Variants in DCLK1 observed in about 807,000 individuals in gnomAD.
DCLK1 encodes doublecortin like kinase 1.
In DCLK1, 16 loss-of-function variants were observed where a neutral mutation model predicts 86.2. The ratio of observed to expected loss-of-function variants is 0.19; its 90% confidence interval spans 0.13 to 0.28. The LOEUF is 0.28. DCLK1 is among the 10% of genes least tolerant of loss of function. The probability of loss-of-function intolerance (pLI) is 1.00; values close to 1 mark genes in which losing one functional copy is unlikely to be tolerated. For synonymous variants in DCLK1, 369 were observed against 370.5 expected, an observed-to-expected ratio of 1.00 and a Z score of 0.05; for missense variants, 590 against 940.2, an observed-to-expected ratio of 0.63 and a Z score of 4.87.
chr13:35,975,902 T>G (rs1879305402), intron 3 of DCLK1, among the ~76,000 whole-genome samples: 4 of 152,284 alleles, frequency 2.6e-5, no homozygotes, highest in African/African-American at 9.6e-5. Context: ...ACTTCCACAA[T>G]GCACTACCAG....
intron 4 of DCLK1, among the ~76,000 whole-genome samples, chr13:35,880,089 G>A (rs1384117054): frequency 6.6e-6 from 1 of 152,150 alleles, no homozygotes; most frequent in African/African-American, 2.4e-5. Context: ...TCTAAACAAT[G>A]CATTCGTATA....
At chr13:35,791,748 A>G (rs1245865467) in intron 16 of DCLK1, among the ~76,000 whole-genome samples, 1 of 151,166 alleles carries the variant, frequency 6.6e-6, no homozygotes, top group South Asian at 2.1e-4. Flanking sequence ...AAAGACCAGG[A>G]AAAAAAAAGA....
Position 36,072,863 on chromosome 13 carries a change from A to G in DCLK1, c.723+39006T>C, listed in dbSNP as rs73525254. Among the ~76,000 whole-genome samples the G allele has an allele frequency of 8.3e-3, 1,270 of 152,358 alleles. 15 individuals carry two copies. Among genetic ancestry groups the G allele is most frequent in the African/African-American group, 0.029 (1,196 of 41,582 alleles). On this transcript the variant is annotated intron_variant, in intron 3 of 16. Coordinates refer to ENST00000360631, the MANE Select transcript of DCLK1 (RefSeq NM_001330071.2). ...GGAAGTTTCTATAGAACTGGAAATTATGTAATATAAGGTAATCACAAAGAA... is the reference window on the plus strand; with the variant it reads ...GGAAGTTTCTATAGAACTGGAAATTGTGTAATATAAGGTAATCACAAAGAA...
chr13:36,063,237 G>C (rs962940527), intron 3 of DCLK1, among the ~76,000 whole-genome samples: 6 of 152,134 alleles, frequency 3.9e-5, no homozygotes, highest in Non-Finnish European at 7.3e-5. Flanking sequence ...TTGCCTTTTA[G>C]ATATGTTGGA....
intron 3 of DCLK1, among the ~76,000 whole-genome samples, chr13:36,084,665 C>T (rs1042135359): frequency 6.6e-6 from 1 of 152,154 alleles, no homozygotes; most frequent in African/African-American, 2.4e-5. Context: ...ATTATCTATA[C>T]TCCCACTAAA....
intron 3 of DCLK1, among the ~76,000 whole-genome samples, chr13:35,976,609 C>A (rs1176409083): frequency 7.1e-6 from 1 of 140,770 alleles, no homozygotes; most frequent in Non-Finnish European, 1.5e-5. Context: ...CGGCTCACTG[C>A]AAGCTCCGCC....
chr13:35,927,732 C>T (rs1481503724), intron 4 of DCLK1, among the ~76,000 whole-genome samples: 3 of 152,154 alleles, frequency 2.0e-5, no homozygotes, highest in Non-Finnish European at 4.4e-5. Flanking sequence ...AGGATGGGGG[C>T]CAATCACACC....
chr13:36,112,496 C>T (rs1349278287), intron 2 of DCLK1, among the ~76,000 whole-genome samples: 1 of 152,110 alleles, frequency 6.6e-6, no homozygotes, highest in Non-Finnish European at 1.5e-5. Context: ...CTTGAAAAGA[C>T]CTTAGAGAAG....
intron 3 of DCLK1, among the ~76,000 whole-genome samples, chr13:36,053,854 C>T (rs1024192123): frequency 1.3e-5 from 2 of 151,736 alleles, no homozygotes; most frequent in African/African-American, 4.8e-5. Flanking sequence ...CTGGTGTTAC[C>T]CAGGAGACTC....
At chr13:36,095,811 G>T (rs1369525814) in intron 3 of DCLK1, among the ~76,000 whole-genome samples, 1 of 152,116 alleles carries the variant, frequency 6.6e-6, no homozygotes, top group African/African-American at 2.4e-5. Context: ...AAGAGCCATT[G>T]TTGTAGATAA....
At chr13:36,087,783 C>T (rs1403950129) in intron 3 of DCLK1, among the ~76,000 whole-genome samples, 1 of 152,084 alleles carries the variant, frequency 6.6e-6, no homozygotes, top group Non-Finnish European at 1.5e-5. Context: ...ATACTAGAAA[C>T]ACCTATCCTG....
intron 4 of DCLK1, among the ~76,000 whole-genome samples, chr13:35,940,797 A>C (rs2153131675): frequency 6.6e-6 from 1 of 152,332 alleles, no homozygotes; most frequent in Non-Finnish European, 1.5e-5. Context: ...GGAAGAAAGC[A>C]GTAGTAATCG....
chr13:36,037,674 G>A (rs1882556319), intron 3 of DCLK1, among the ~76,000 whole-genome samples: 2 of 151,960 alleles, frequency 1.3e-5, no homozygotes, highest in Admixed American at 6.6e-5. Context: ...AGTAGAGACG[G>A]AGTTTCACCA....
chr13:35,997,928 C>G (rs182794300), intron 3 of DCLK1, among the ~76,000 whole-genome samples: 1 of 152,228 alleles, frequency 6.6e-6, no homozygotes, highest in East Asian at 1.9e-4. Context: ...AAAGCACAAC[C>G]AGTCTACTTT....
chr13:35,886,083 C>T (rs1873218584), intron 4 of DCLK1, among the ~76,000 whole-genome samples: 1 of 148,646 alleles, frequency 6.7e-6, no homozygotes, highest in Admixed American at 6.8e-5. Context: ...GCAATCTCGG[C>T]TCACTGCAAC....
intron 11 of DCLK1, among the ~76,000 whole-genome samples, chr13:35,817,227 T>C (rs531167034): frequency 6.6e-6 from 1 of 152,272 alleles, no homozygotes; most frequent in Admixed American, 6.5e-5. Flanking sequence ...CCTGTCCTCA[T>C]CTCCCTGATG....
chr13:35,816,558 C>T (rs2087270995), intron 11 of DCLK1, among the ~76,000 whole-genome samples: 1 of 152,158 alleles, frequency 6.6e-6, no homozygotes, highest in South Asian at 2.1e-4. Flanking sequence ...CCCATTTGAT[C>T]TTCATACCAG....
intron 3 of DCLK1, among the ~76,000 whole-genome samples, chr13:35,994,239 T>C (rs1248994414): frequency 1.3e-5 from 2 of 152,174 alleles, no homozygotes; most frequent in South Asian, 2.1e-4. Context: ...TCTAGAACTT[T>C]CCCTGTAGCA....
chr13:35,992,902 T>C (rs1880300183), intron 3 of DCLK1, among the ~76,000 whole-genome samples: 1 of 152,150 alleles, frequency 6.6e-6, no homozygotes, highest in African/African-American at 2.4e-5. Flanking sequence ...GATATACTAC[T>C]CCCCCATCAG....
Sources: gnomAD v4.1 joint callset for allele counts (sites outside exome capture counted in the v4.1 genomes callset) on GRCh38, gnomAD v4.1.1 for gene constraint, MANE v1.5 for transcripts, NCBI Gene and HGNC (gene_info 2026-07-23, HGNC 2026-07-21) for gene names.